The following PIK3C2G variants were observed in gnomAD, a reference collection of about 807,000 sequenced individuals.
The protein encoded by PIK3C2G is phosphatidylinositol 3-kinase C2 domain-containing subunit gamma.
PIK3C2G carries 168 observed loss-of-function variants against 181.1 expected under a neutral mutation model. The ratio of observed to expected loss-of-function variants is 0.93; its 90% CI spans 0.82 to 1.05. The LOEUF is 1.05. Ranked by LOEUF, PIK3C2G falls within the 50% of genes least tolerant of loss-of-function variation. The pLI, the probability that PIK3C2G is intolerant of heterozygous loss-of-function variation, is 0.00. For synonymous variants in PIK3C2G, 573 were observed against 592.2 expected (o/e 0.97, Z 0.47); for missense variants, 1,869 against 1,732.8 (o/e 1.08, Z -1.40).
chr12:18,639,832 A>G (rs1443829339), intron 31 of PIK3C2G, among the ~76,000 whole-genome samples: 1 of 152,150 alleles, frequency 6.6e-6, no homozygotes, highest in Non-Finnish European at 1.5e-5. Flanking sequence ...TTGGAGCACC[A>G]TAGAACATAA....
intron 26 of PIK3C2G, among the ~76,000 whole-genome samples, chr12:18,560,588 A>T (rs1257491640): frequency 3.3e-5 from 5 of 152,054 alleles, no homozygotes; most frequent in Admixed American, 3.3e-4. Context: ...GAAGGTAAAA[A>T]CAGAGAGGAC....
chr12:18,725,722 T>C, the PIK3C2G span, among the ~76,000 whole-genome samples: 1 of 152,172 alleles, frequency 6.6e-6, no homozygotes, highest in Non-Finnish European at 1.5e-5. Flanking sequence ...CTGAATTAGT[T>C]GCAGTACAGG....
the PIK3C2G span, among the ~76,000 whole-genome samples, chr12:18,716,267 G>C: frequency 2.6e-5 from 4 of 151,942 alleles, no homozygotes; most frequent in Admixed American, 6.6e-5. Flanking sequence ...AAACCACCAA[G>C]AACTATATTG....
At position 18,568,907 on chromosome 12, in the gene PIK3C2G, T is replaced by C. The variant is rs187588398; in HGVS notation, c.4011+1850T>C. Among the ~76,000 whole-genome samples the C allele has an allele frequency of 6.6e-5, 10 of 152,174 alleles. No homozygotes were observed. In the East Asian group the frequency reaches 1.9e-3, roughly 30 times the overall value. ...TTTTTTTCACTTTGAAATTGTAAAATGTAAACACACTCAGAAACATCCACA... is the reference window on the plus strand; with the variant it reads ...TTTTTTTCACTTTGAAATTGTAAAACGTAAACACACTCAGAAACATCCACA... On this transcript the variant is annotated intron_variant, in intron 29 of 32. Coordinates refer to ENST00000538779, the MANE Select transcript of PIK3C2G (RefSeq NM_001288772.2).
chr12:18,642,859 TATAG>T (rs1949914735), intron 32 of PIK3C2G, among the ~76,000 whole-genome samples: 2 of 151,752 alleles, frequency 1.3e-5, no homozygotes, highest in Admixed American at 1.3e-4. Flanking sequence ...TGCATATATA[TATAG>T]AGAGAGAGAG....
chr12:18,460,696 G>C (rs979407670), intron 18 of PIK3C2G, among the ~76,000 whole-genome samples: 13 of 147,628 alleles, frequency 8.8e-5, no homozygotes, highest in Admixed American at 2.0e-4. Context: ...GTACATCTTA[G>C]CTATTTTTTA....
Position 18,425,386 on chromosome 12 carries a change from C to CTTTTTTTTT in PIK3C2G, c.2504+1363_2504+1371dup. Among the ~76,000 whole-genome samples, 237 of 65,320 alleles carry CTTTTTTTTT rather than the reference C, an allele frequency of 3.6e-3. 17 individuals carry two copies. The highest frequency in any genetic ancestry group is 9.2e-3 in the Admixed American group (37 of 4,002). 42.9% of individuals were successfully genotyped at this position (65,320 alleles called of 152,430 possible). A position where few individuals can be genotyped will look rare whatever the true frequency, so the allele number is the denominator to read the frequency against. On this transcript the variant is annotated intron_variant, in intron 18 of 32. Coordinates refer to ENST00000538779, the MANE Select transcript of PIK3C2G (RefSeq NM_001288772.2). ...TTCTCTAGCTAAAGGACAGACATTT[C>CTTTTTTTTT]TTTTTTTTTTTTTTTTTTTTTTTTG...
chr12:18,344,589 G>A (rs1939481120), intron 10 of PIK3C2G, among the ~76,000 whole-genome samples: 1 of 152,082 alleles, frequency 6.6e-6, no homozygotes, highest in African/African-American at 2.4e-5. Context: ...TATCAGGAAT[G>A]TTGTAATGAG....
upstream of PIK3C2G, among the ~76,000 whole-genome samples, chr12:18,260,681 A>T (rs949121094): frequency 6.6e-6 from 1 of 152,120 alleles, no homozygotes; most frequent in African/African-American, 2.4e-5. Flanking sequence ...AAGAAGAAAA[A>T]AGAAGAGAAA....
chr12:18,645,348 C>T (rs749421508), intron 32 of PIK3C2G, among the ~76,000 whole-genome samples: 4 of 152,118 alleles, frequency 2.6e-5, no homozygotes, highest in African/African-American at 4.8e-5. Context: ...AGATATTTAT[C>T]ATCTATAATG....
At chr12:18,355,876 C>T (rs1235874492) in intron 11 of PIK3C2G, among the ~76,000 whole-genome samples, 4 of 152,102 alleles carry the variant, frequency 2.6e-5, no homozygotes, top group African/African-American at 9.7e-5. Context: ...TGTAGTAGAA[C>T]CCTTAACATT....
chr12:18,377,503 C>G (rs975575695), intron 13 of PIK3C2G, among the ~76,000 whole-genome samples: 2 of 152,170 alleles, frequency 1.3e-5, no homozygotes, highest in Non-Finnish European at 2.9e-5. Context: ...CCCAGCCTAA[C>G]TGACATCTTC....
chr12:18,338,137 A>G (rs926997956), intron 8 of PIK3C2G, among the ~76,000 whole-genome samples: 1 of 151,664 alleles, frequency 6.6e-6, no homozygotes, highest in Admixed American at 6.6e-5. Context: ...CTTCCTTACC[A>G]CTTCCTCTCC....
At chr12:18,492,104 CCT>C (rs1244103969) in intron 20 of PIK3C2G, among the ~76,000 whole-genome samples, 1 of 152,178 alleles carries the variant, frequency 6.6e-6, no homozygotes, top group Non-Finnish European at 1.5e-5. Flanking sequence ...TCTTCCTAAT[CCT>C]CTGTCATATG....
the PIK3C2G span, chr12:18,714,886 C>T: frequency 6.6e-6 from 1 of 152,094 alleles, no homozygotes; most frequent in African/African-American, 2.4e-5. Context: ...AGAAACCCTG[C>T]TGTAAGTCAT....
chr12:18,540,442 T>C (rs370214546), intron 25 of PIK3C2G, among the ~76,000 whole-genome samples: 14 of 152,006 alleles, frequency 9.2e-5, no homozygotes, highest in African/African-American at 3.4e-4. Context: ...GTTAAAATAA[T>C]GTGAAAGAAC....
At chr12:18,474,024 T>G (rs1348432562) in intron 18 of PIK3C2G, among the ~76,000 whole-genome samples, 1 of 152,130 alleles carries the variant, frequency 6.6e-6, no homozygotes, top group Non-Finnish European at 1.5e-5. Flanking sequence ...GCAAAAATAT[T>G]TATGAAATCT....
At position 18,321,039 on chromosome 12, in the gene PIK3C2G, T is replaced by C. The variant is rs374323465; in HGVS notation, c.1208+7T>C. On this transcript the variant is annotated splice_region_variant and intron_variant, in intron 7 of 32. Transcript: ENST00000538779. ...ATATTTGGAAAGTATCCAGGTAAGA[T>C]ATTTTATATTTGTTCCAAGACTACT... 1.6e-4 allele frequency: 218 copies of C among 1,376,370 alleles called. No homozygotes were observed. The highest frequency in any genetic ancestry group is 2.4e-4 in the Admixed American group (13 of 53,848). The allele number at this position is 1,376,370 out of a possible 1,614,324, so 85.3% of individuals were successfully genotyped here.
intron 18 of PIK3C2G, among the ~76,000 whole-genome samples, chr12:18,462,659 G>T (rs1947981740): frequency 6.6e-6 from 1 of 152,174 alleles, no homozygotes; most frequent in Admixed American, 6.5e-5. Context: ...GGCTGCAAGA[G>T]AATCTAAAAG....
Sources: allele counts gnomAD v4.1 joint callset (sites outside exome capture counted in the v4.1 genomes callset), GRCh38; gene constraint gnomAD v4.1.1; transcripts MANE v1.5; gene names NCBI Gene and HGNC (gene_info 2026-07-23, HGNC 2026-07-21).